The following SRCIN1 variants were observed in gnomAD, a reference collection of about 807,000 sequenced individuals.
SRCIN1 encodes P130Cas-associated protein.
Under a neutral mutation model 116.2 loss-of-function variants are expected in SRCIN1, and 50 were observed. The observed-to-expected ratio is 0.43, with a 90% CI of 0.34 to 0.54. SRCIN1 has a LOEUF of 0.54. SRCIN1 is among the 20% of genes least tolerant of loss of function. SRCIN1 has a pLI of 0.02. For missense variants in SRCIN1, 1,446 were observed against 1,672.0 expected, an observed-to-expected ratio of 0.86 and a Z score of 2.36; for synonymous variants, 736 against 750.0, an observed-to-expected ratio of 0.98 and a Z score of 0.30.
At chr17:38,587,661 C>T (rs923612698) in intron 1 of SRCIN1, among the ~76,000 whole-genome samples, 8 of 151,822 alleles carry the variant, frequency 5.3e-5, no homozygotes, top group African/African-American at 1.9e-4. Context: ...CTCTAGGCCA[C>T]GGGCCCCAGG....
chr17:38,574,551 G>T (rs1358066890), intron 2 of SRCIN1, among the ~76,000 whole-genome samples: 1 of 152,150 alleles, frequency 6.6e-6, no homozygotes, highest in Non-Finnish European at 1.5e-5. Flanking sequence ...TGGGAGGAGG[G>T]CATAAAACCC....
intron 18 of SRCIN1, chr17:38,543,180 A>T: frequency 2.2e-6 from 1 of 456,348 alleles, no homozygotes; most frequent in African/African-American, 2.0e-5. Flanking sequence ...CTGCACCCCT[A>T]CCCTTCCTGA....
Position 38,568,297 on chromosome 17 carries a change from G to A in SRCIN1, c.325-66C>T, listed in dbSNP as rs1906853270. On this transcript the variant is annotated intron_variant, in intron 2 of 18. Transcript: ENST00000617146. The surrounding 1 kb of genome is among the most constrained non-coding windows in gnomAD (Gnocchi z 4.5). ...CCAGGAGGGGAAAAGAGGGGCAGGG[G>A]CAGGTTAGAGACCCTTGGAACTCAG... 1 of 1,527,686 alleles carries A rather than the reference G, an allele frequency of 6.5e-7. No homozygotes were observed. Among genetic ancestry groups the A allele is most frequent in the Non-Finnish European group, 9.0e-7 (1 of 1,110,908 alleles). The allele number at this position is 1,527,686 out of a possible 1,614,324, so 94.6% of individuals were successfully genotyped here.
At position 38,552,037 on chromosome 17, in the gene SRCIN1, T is replaced by C. The variant is rs369211605; in HGVS notation, c.2576A>G (p.Asp859Gly). ...GGGGCTGGGGGGTGGCATTTCGAAG[T>C]CCACGCTCTTGTTGAAGTCAGTCTC... is the stretch of plus-strand genomic sequence containing the variant. ...TAETDFNKSV[D>G]FEMPPPSPPL... The change falls in exon 14 of 19, where the codon GAC (aspartate) becomes GGC (glycine). Residue 859 changes from aspartate to glycine, a missense_variant. Physicochemically the swap from Asp to Gly is moderately conservative, Grantham distance 94 (BLOSUM62 -1). This residue lies in a region of SRCIN1 where 531 missense variants were observed against 633.9 expected (regional missense o/e 0.84). Coordinates refer to ENST00000617146, the MANE Select transcript of SRCIN1 (RefSeq NM_025248.3). This position sits in a 1 kb window ranked among gnomAD's most constrained non-coding sequence, Gnocchi z 5.3. The C allele has an allele frequency of 1.5e-5, 24 of 1,613,678 alleles. No homozygotes were observed. The highest frequency in any genetic ancestry group is 2.7e-5 in the African/African-American group (2 of 74,862).
intron 1 of SRCIN1, among the ~76,000 whole-genome samples, chr17:38,583,008 G>A (rs757337022): frequency 6.6e-6 from 1 of 152,164 alleles, no homozygotes; most frequent in Non-Finnish European, 1.5e-5. Flanking sequence ...AACACTGGGA[G>A]AGAAAAACCC....
At chr17:38,538,430 A>AT (rs1567848967) in intron 18 of SRCIN1, among the ~76,000 whole-genome samples, 7 of 148,298 alleles carry the variant, frequency 4.7e-5, no homozygotes, top group Admixed American at 1.3e-4. Context: ...AAAAAAAAAA[A>AT]AAATAATAAT....
chr17:38,559,482 C>G (rs1161431717), intron 10 of SRCIN1, 103 bp downstream of exon 10: 2 of 1,255,640 alleles, frequency 1.6e-6, no homozygotes, highest in Admixed American at 2.4e-5. Flanking sequence ...CGTGGAAGCT[C>G]TGGGAAAAGG....
chr17:38,552,333 C>A lies in SRCIN1; in HGVS notation c.2480+114G>T. 6.9e-7 allele frequency: 1 copy of A among 1,454,890 alleles called. No homozygotes were observed. The highest frequency in any genetic ancestry group is 1.4e-5 in the South Asian group (1 of 70,124). 90.1% of individuals were successfully genotyped at this position (1,454,890 alleles called of 1,614,324 possible). ...CACAGGGCAGAGCTGAGGTGCCAGT[C>A]CAGTCGGCACGCCAGTGACCTTTGG... is the stretch of plus-strand genomic sequence containing the variant. On this transcript the variant is annotated intron_variant, in intron 13 of 18. Transcript: ENST00000617146. This position sits in a 1 kb window ranked among gnomAD's most constrained non-coding sequence, Gnocchi z 5.3.
Position 38,533,231 on chromosome 17 carries a change from G to C in SRCIN1, c.*66C>G, listed in dbSNP as rs1307364315. On this transcript the variant is annotated 3_prime_UTR_variant, in exon 19 of 19. Coordinates refer to ENST00000617146, the MANE Select transcript of SRCIN1 (RefSeq NM_025248.3). ...TAGGGTGGGGTGGGGTGGAGATGAA[G>C]GAAGAGAGGGGAGAAATGGCAGGAG... 6.7e-7 allele frequency: 1 copy of C among 1,499,022 alleles called. No individual in the cohort carries two copies. Among genetic ancestry groups the C allele is most frequent in the African/African-American group, 1.4e-5 (1 of 71,646 alleles). 92.9% of individuals were successfully genotyped at this position (1,499,022 alleles called of 1,614,324 possible). A position where few individuals can be genotyped will look rare whatever the true frequency, so the allele number is the denominator to read the frequency against.
intron 18 of SRCIN1, among the ~76,000 whole-genome samples, chr17:38,541,112 G>T (rs557441461): frequency 1.3e-5 from 2 of 151,856 alleles, no homozygotes; most frequent in Non-Finnish European, 2.9e-5. Flanking sequence ...GGTGGTGGGC[G>T]CCTGTAATCC....
chr17:38,564,973 T>C (rs1906586201), intron 3 of SRCIN1, among the ~76,000 whole-genome samples: 1 of 152,182 alleles, frequency 6.6e-6, no homozygotes, highest in South Asian at 2.1e-4. Flanking sequence ...AAGTCTGATG[T>C]GACACACATG....
Position 38,543,963 on chromosome 17 carries a change from C to T in SRCIN1, c.3277G>A (p.Gly1093Arg), listed in dbSNP as rs760230184. ...ACCTTCATGGGTGGTACACTGCCTCCGCCACTCTGCAGGAAGAGGAACAGG... is the reference window on the plus strand; with the variant it reads ...ACCTTCATGGGTGGTACACTGCCTCTGCCACTCTGCAGGAAGAGGAACAGG... ...DRIIAELESG[G>R]GSVPPMKVVT... Residue 1093 changes from glycine (G) to arginine (R), a missense_variant, in exon 18 of 19, where the codon GGA becomes AGA. By Grantham distance (125) the Gly-to-Arg change is moderately radical (BLOSUM62 -2). Transcript: ENST00000617146. 20 of 1,582,876 alleles carry T rather than the reference C, an allele frequency of 1.3e-5. No individual in the cohort carries two copies. Among genetic ancestry groups the T allele is most frequent in the Middle Eastern group, 1.7e-4 (1 of 6,052 alleles).
At chr17:38,579,696 C>CG (rs1907671345) in intron 1 of SRCIN1, among the ~76,000 whole-genome samples, 1 of 152,196 alleles carries the variant, frequency 6.6e-6, no homozygotes, top group South Asian at 2.1e-4. Context: ...AAGAGAAGGC[C>CG]GGGGGTTGAG....
intron 11 of SRCIN1, among the ~76,000 whole-genome samples, chr17:38,557,208 A>C (rs1597898957): frequency 6.6e-6 from 1 of 152,248 alleles, no homozygotes; most frequent in South Asian, 2.1e-4. Context: ...AACCCATCTC[A>C]AGGAGCCCGT....
At position 38,533,105 on chromosome 17, in the gene SRCIN1, A is replaced by AAC. The variant is rs1555603729; in HGVS notation, c.*191_*192insGT. The AAC allele has an allele frequency of 3.2e-5, 14 of 434,184 alleles. 1 individual carries two copies. The highest frequency in any genetic ancestry group is 4.7e-5 in the Non-Finnish European group (13 of 276,838). 26.9% of individuals were successfully genotyped at this position (434,184 alleles called of 1,614,324 possible). ...TTAAAAGTTAATTGTTAAAAAAAAAAAAAAAAACAAAACCAAAAACACCAA... is the reference window on the plus strand; with the variant it reads ...TTAAAAGTTAATTGTTAAAAAAAAAAACAAAAAAACAAAACCAAAAACACCAA... On this transcript the variant is annotated 3_prime_UTR_variant, in exon 19 of 19. Transcript: ENST00000617146.
intron 1 of SRCIN1, among the ~76,000 whole-genome samples, chr17:38,603,255 G>T (rs181161815): frequency 4.6e-5 from 7 of 152,198 alleles, no homozygotes; most frequent in African/African-American, 1.7e-4. Context: ...GAGTGCATCA[G>T]AGAGGCCCTG....
rs555775336 is a variant in SRCIN1, at chr17:38,569,428, G to C, written c.325-1197C>G. ...GGCAGAGGAGAGGGACATCGAAGGC[G>C]CCCCTGGGGGAAGAACACCATGCCA... On this transcript the variant is annotated intron_variant, in intron 2 of 18. Coordinates refer to ENST00000617146, the MANE Select transcript of SRCIN1 (RefSeq NM_025248.3). Among the ~76,000 whole-genome samples, 289 of 152,284 alleles carry C rather than the reference G, an allele frequency of 1.9e-3. 1 individual carries two copies. Among genetic ancestry groups the C allele is most frequent in the African/African-American group, 6.7e-3 (280 of 41,558 alleles).
At chr17:38,584,755 T>C (rs1252528468) in intron 1 of SRCIN1, among the ~76,000 whole-genome samples, 1 of 152,216 alleles carries the variant, frequency 6.6e-6, no homozygotes, top group Non-Finnish European at 1.5e-5. Flanking sequence ...ACTGGCATCT[T>C]TACCCCGGAT....
chr17:38,591,197 T>C (rs922401093), intron 1 of SRCIN1, among the ~76,000 whole-genome samples: 3 of 152,200 alleles, frequency 2.0e-5, no homozygotes, highest in African/African-American at 7.2e-5. Context: ...AGGTCTTAGA[T>C]ACTTCCAGGA....
Sources: gnomAD v4.1 joint callset for allele counts (sites outside exome capture counted in the v4.1 genomes callset) on GRCh38, gnomAD v4.1.1 for gene constraint, gnomAD v4.1.1 regional missense constraint, Gnocchi (gnomAD v3.1) non-coding constraint, MANE v1.5 for transcripts, NCBI Gene and HGNC (gene_info 2026-07-23, HGNC 2026-07-21) for gene names.